STX3: variants seen among roughly 807,000 people sequenced by gnomAD.
The protein encoded by STX3 is syntaxin-3.
In STX3, 19 loss-of-function variants were observed where a neutral mutation model predicts 40.2. The observed-to-expected ratio is 0.47, with a 90% CI of 0.33 to 0.69. STX3 has a LOEUF of 0.69. STX3 is among the 30% of genes least tolerant of loss of function. The pLI is 0.02. For missense variants in STX3, 364 were observed against 366.7 expected (o/e 0.99, Z 0.06); for synonymous variants, 122 against 132.2 (o/e 0.92, Z 0.53).
At position 59,785,503 on chromosome 11, in the gene STX3, G is replaced by A. The variant is rs146932529; in HGVS notation, c.115-1534G>A. Among the ~76,000 whole-genome samples the A allele has an allele frequency of 1.1e-4, 17 of 152,146 alleles. No individual in the cohort carries two copies. The East Asian group carries it at 3.3e-3, about 29-fold the overall frequency. On this transcript the variant is annotated intron_variant, in intron 2 of 10. Coordinates refer to ENST00000337979, the MANE Select transcript of STX3 (RefSeq NM_004177.5). ...ATGCCACGATGCCTGGCTGATTTTT[G>A]TATTTTTTGTAGCGACGGGGTTTTG...
At chr11:59,770,217 G>A (rs921865449) in intron 1 of STX3, among the ~76,000 whole-genome samples, 1 of 151,058 alleles carries the variant, frequency 6.6e-6, no homozygotes, top group African/African-American at 2.4e-5. Context: ...AAGAGGTGGG[G>A]TGTATGTGTG....
intron 5 of STX3, 94 bp from the exon 6 acceptor site, chr11:59,792,013 A>T: frequency 1.9e-5 from 19 of 993,736 alleles, no homozygotes; most frequent in Non-Finnish European, 2.8e-5. Context: ...TTCCAAGTCC[A>T]GTGCTATTGT....
At position 59,802,633 on chromosome 11, in the gene STX3, G is replaced by C; in HGVS notation, c.*1809G>C. On this transcript the variant is annotated 3_prime_UTR_variant, in exon 11 of 11. Transcript: ENST00000337979. ...CATGTGAAGGTTTTTGTTGTTGTTT[G>C]TATTTTTTAGATGTAAACTTGATTA... 1.0e-6 allele frequency: 1 copy of C among 985,804 alleles called. No homozygotes were observed. Among genetic ancestry groups the C allele is most frequent in the Non-Finnish European group, 1.2e-6 (1 of 829,904 alleles). 61.1% of individuals were successfully genotyped at this position (985,804 alleles called of 1,614,324 possible).
intron 4 of STX3, 101 bp from the exon 5 acceptor site, chr11:59,790,418 C>T (rs770286788): frequency 1.3e-5 from 12 of 896,666 alleles, no homozygotes; most frequent in Middle Eastern, 2.2e-4. Context: ...GTTACATCTC[C>T]GTGGGCTGGA....
rs1284409536 is a variant in STX3 at position 59,802,114 on chromosome 11, C to T, written c.*1290C>T. On this transcript the variant is annotated 3_prime_UTR_variant, in exon 11 of 11. Transcript: ENST00000337979. ...AGTAACTTGATATTCACATGACCTACAGGATGTCCCATCTGCAGGGCTGAG... is the reference window on the plus strand; with the variant it reads ...AGTAACTTGATATTCACATGACCTATAGGATGTCCCATCTGCAGGGCTGAG... The T allele has an allele frequency of 1.0e-6, 1 of 985,314 alleles. No individual in the cohort carries two copies. Among genetic ancestry groups the T allele is most frequent in the Non-Finnish European group, 1.2e-6 (1 of 829,940 alleles). 61.0% of individuals were successfully genotyped at this position (985,314 alleles called of 1,614,324 possible). A position where few individuals can be genotyped will look rare whatever the true frequency, so the allele number is the denominator to read the frequency against.
At chr11:59,758,896 C>T (rs914865925) in intron 1 of STX3, among the ~76,000 whole-genome samples, 23 of 152,146 alleles carry the variant, frequency 1.5e-4, no homozygotes, top group East Asian at 1.9e-4. Flanking sequence ...TGGTGATAAA[C>T]GCATGTTCCT....
intron 8 of STX3, among the ~76,000 whole-genome samples, chr11:59,793,972 C>T (rs1394589474): frequency 2.6e-5 from 4 of 152,106 alleles, no homozygotes; most frequent in Admixed American, 1.3e-4. Context: ...CTAATGGTGA[C>T]GTTTTAAAAC....
intron 1 of STX3, among the ~76,000 whole-genome samples, chr11:59,772,884 T>TA (rs1464384930): frequency 6.6e-6 from 1 of 152,040 alleles, no homozygotes; most frequent in Non-Finnish European, 1.5e-5. Context: ...GTAGTGTTTT[T>TA]ATCAGCATTT....
Position 59,793,361 on chromosome 11 carries a change from T to G in STX3, c.541-19T>G. 3 of 1,609,844 alleles carry G rather than the reference T, an allele frequency of 1.9e-6. No individual in the cohort carries two copies. Among genetic ancestry groups the G allele is most frequent in the Non-Finnish European group, 1.7e-6 (2 of 1,176,704 alleles). ...TTTCTTGCAGGGGTAGCTAACAGTC[T>G]GTGTGTGGCCTGTTGTAGATCATTG... is the stretch of plus-strand genomic sequence containing the variant. On this transcript the variant is annotated intron_variant, in intron 7 of 10. Transcript: ENST00000337979.
At chr11:59,758,967 A>G (rs1862882972) in intron 1 of STX3, among the ~76,000 whole-genome samples, 1 of 152,200 alleles carries the variant, frequency 6.6e-6, no homozygotes. Context: ...TGAGGATATC[A>G]TCCTTGTGAT....
intron 10 of STX3, 45 bp downstream of exon 10, chr11:59,797,441 A>G: frequency 7.1e-7 from 1 of 1,415,706 alleles, no homozygotes; most frequent in Non-Finnish European, 9.9e-7. Flanking sequence ...TTGGCTCCTC[A>G]AGAGGAAATT....
At chr11:59,768,403 A>G (rs900017497) in intron 1 of STX3, among the ~76,000 whole-genome samples, 1 of 152,220 alleles carries the variant, frequency 6.6e-6, no homozygotes, top group Non-Finnish European at 1.5e-5. Flanking sequence ...GATAAACATG[A>G]AGTGGGGCAA....
chr11:59,765,898 A>T (rs375033947), intron 1 of STX3, among the ~76,000 whole-genome samples: 2 of 152,206 alleles, frequency 1.3e-5, no homozygotes, highest in Non-Finnish European at 2.9e-5. Context: ...ATTTATAAAG[A>T]AGCATCTGTG....
chr11:59,792,267 G>T (rs773233729), intron 6 of STX3, 52 bp downstream of exon 6: 3 of 1,530,858 alleles, frequency 2.0e-6, no homozygotes, highest in Non-Finnish European at 2.7e-6. Context: ...CCACCTGGTT[G>T]TCCATCCCAA....
chr11:59,781,270 T>A (rs1457568357), intron 2 of STX3: 7 of 1,458,516 alleles, frequency 4.8e-6, no homozygotes, highest in Admixed American at 3.4e-5. Context: ...CTGAGCTTGG[T>A]CATTCTCTTA....
chr11:59,782,903 G>T (rs1864491450), intron 2 of STX3, among the ~76,000 whole-genome samples: 2 of 151,936 alleles, frequency 1.3e-5, no homozygotes, highest in Admixed American at 1.3e-4. Flanking sequence ...GGAGGCTGAG[G>T]CAGGAGAATC....
chr11:59,797,373 C>T lies in STX3; in HGVS notation c.*7C>T. ...TTCCGTTGGGCTGAATTAAGAGTGG[C>T]CTAAGAGGCTGCTGCACTGAAATGT... On this transcript the variant is annotated 3_prime_UTR_variant, in exon 10 of 11. Transcript: ENST00000337979. The T allele has an allele frequency of 6.2e-7, 1 of 1,613,968 alleles. No individual in the cohort carries two copies.
chr11:59,791,865 C>T (rs1319651333), intron 5 of STX3, among the ~76,000 whole-genome samples: 11 of 152,046 alleles, frequency 7.2e-5, no homozygotes, highest in Admixed American at 7.2e-4. Flanking sequence ...CCTCTGGCCT[C>T]GCAATTACCA....
At chr11:59,766,025 G>A (rs1863265754) in intron 1 of STX3, among the ~76,000 whole-genome samples, 1 of 152,204 alleles carries the variant, frequency 6.6e-6, no homozygotes, top group Non-Finnish European at 1.5e-5. Flanking sequence ...ATGCCCCACT[G>A]TGGGAAGTTA....
Sources: allele counts gnomAD v4.1 joint callset (sites outside exome capture counted in the v4.1 genomes callset), GRCh38; gene constraint gnomAD v4.1.1; transcripts MANE v1.5; gene names NCBI Gene and HGNC (gene_info 2026-07-23, HGNC 2026-07-21).